The following SLC25A22 variants were observed in gnomAD, a reference collection of about 807,000 sequenced individuals.
SLC25A22 encodes mitochondrial glutamate carrier 1.
A neutral mutation model predicts 33.7 loss-of-function variants in SLC25A22; 23 were observed. The observed-to-expected ratio is 0.68, with a 90% CI of 0.49 to 0.97. The LOEUF is 0.97. Ranked by LOEUF, SLC25A22 falls within the 50% of genes least tolerant of loss-of-function variation. The pLI, the probability that SLC25A22 is intolerant of heterozygous loss-of-function variation, is 0.00. For synonymous variants in SLC25A22, 245 were observed against 203.8 expected, an observed-to-expected ratio of 1.20 and a Z score of -1.72; for missense variants, 390 against 451.1, an observed-to-expected ratio of 0.86 and a Z score of 1.23.
At chr11:793,790 C>A (rs1019657042) in intron 4 of SLC25A22, 171 bp from the exon 5 acceptor site, 1 of 635,352 alleles carries the variant, frequency 1.6e-6, no homozygotes, top group Admixed American at 2.3e-5. Flanking sequence ...CGGGGCCAGG[C>A]AGGGATGGGG....
intron 1 of SLC25A22, chr11:797,927 G>A (rs951247175): frequency 5.0e-6 from 2 of 398,450 alleles, no homozygotes; most frequent in Admixed American, 4.4e-5. Flanking sequence ...CCACGTGTGC[G>A]TCCCACACGG....
At chr11:794,732 G>GC (rs757208797) in intron 3 of SLC25A22, 44 bp downstream of exon 3, 36 of 1,585,224 alleles carry the variant, frequency 2.3e-5, no homozygotes, top group Non-Finnish European at 3.0e-5. Flanking sequence ...CTCTCCTGCT[G>GC]CCACATGCTG....
At chr11:793,412 C>T (rs1186106987) in intron 5 of SLC25A22, 117 bp downstream of exon 5, 8 of 980,886 alleles carry the variant, frequency 8.2e-6, no homozygotes, top group African/African-American at 1.6e-5. Context: ...TCAAAGAAGC[C>T]CCAAGCAAGG....
chr11:796,541 G>A (rs1031588258), intron 1 of SLC25A22, among the ~76,000 whole-genome samples: 1 of 152,172 alleles, frequency 6.6e-6, no homozygotes, highest in East Asian at 1.9e-4. Flanking sequence ...TCTGTCTAGG[G>A]CTGGTACTCT....
At chr11:795,434 T>C (rs1232081964) in intron 1 of SLC25A22, 5 of 316,284 alleles carry the variant, frequency 1.6e-5, no homozygotes, top group Non-Finnish European at 3.1e-5. Context: ...GGGGCTCACG[T>C]GCACCCCAGC....
chr11:794,070 G>C (rs1345544720), intron 4 of SLC25A22: 2 of 510,138 alleles, frequency 3.9e-6, no homozygotes, highest in Non-Finnish European at 7.4e-6. Context: ...GGGCTGGAGA[G>C]CTTCTGCCAA....
chr11:792,670 T>C lies in SLC25A22; in HGVS notation c.470A>G (p.Gln157Arg). The change falls in exon 7 of 10, where the codon CAG becomes CGG. Residue 157 changes from glutamine (Q) to arginine (R), a missense_variant. Gln to Arg is a conservative substitution (Grantham distance 43, BLOSUM62 1). Transcript: ENST00000628067. Reference sequence around the variant, plus strand: ...GGCAGCTGGAGCCTCCACTGAGGGCTGGGCACCCCCCTGGGCCGAGAGCTG... The same window carrying C: ...GGCAGCTGGAGCCTCCACTGAGGGCCGGGCACCCCCCTGGGCCGAGAGCTG... ...QGQLSAQGGA[Q>R]PSVEAPAAPR... is the part of the protein sequence containing the mutation. 1 of 1,566,510 alleles carries C rather than the reference T, an allele frequency of 6.4e-7. No homozygotes were observed. Among genetic ancestry groups the C allele is most frequent in the Non-Finnish European group, 8.6e-7 (1 of 1,158,566 alleles).
At chr11:798,033 G>C in intron 1 of SLC25A22, 184 bp downstream of exon 1, 2 of 398,416 alleles carry the variant, frequency 5.0e-6, no homozygotes, top group Admixed American at 4.4e-5. Flanking sequence ...GCCGAGCACG[G>C]CGTCTCACGC....
At position 794,340 on chromosome 11, in the gene SLC25A22, C is replaced by T. The variant is rs977155482; in HGVS notation, c.202+118G>A. ...GGCACAGCCCCCACAAACACGTCCACGCTCACACACCAGGCCCAGGCTGGC... is the reference window on the plus strand; with the variant it reads ...GGCACAGCCCCCACAAACACGTCCATGCTCACACACCAGGCCCAGGCTGGC... On this transcript the variant is annotated intron_variant, in intron 4 of 9. Coordinates refer to ENST00000628067, the MANE Select transcript of SLC25A22 (RefSeq NM_001191061.2). 16 of 1,174,042 alleles carry T rather than the reference C, an allele frequency of 1.4e-5. No individual in the cohort carries two copies. The Admixed American group carries it at 1.4e-4, about 10-fold the overall frequency. 72.7% of individuals were successfully genotyped at this position (1,174,042 alleles called of 1,614,324 possible). A position where few individuals can be genotyped will look rare whatever the true frequency, so the allele number is the denominator to read the frequency against.
In SLC25A22 at chr11:791,775, ACCCTGCACCCTGCC is replaced by A. The variant is rs1864530069; in HGVS notation, c.*126_*139del. ...GCTTGCGTGTGCACCACCTATGTGGACCCTGCACCCTGCCCCCTGCTGCCCCTGCCGACGGGAGG... is the reference window on the plus strand; with the variant it reads ...GCTTGCGTGTGCACCACCTATGTGGACCCTGCTGCCCCTGCCGACGGGAGG... On this transcript the variant is annotated 3_prime_UTR_variant, in exon 10 of 10. Coordinates refer to ENST00000628067, the MANE Select transcript of SLC25A22 (RefSeq NM_001191061.2). 1 of 1,200,834 alleles carries A rather than the reference ACCCTGCACCCTGCC, an allele frequency of 8.3e-7. No homozygotes were observed. The highest frequency in any genetic ancestry group is 1.5e-5 in the African/African-American group (1 of 65,494). The allele number at this position is 1,200,834 out of a possible 1,614,324, so 74.4% of individuals were successfully genotyped here. A position where few individuals can be genotyped will look rare whatever the true frequency, so the allele number is the denominator to read the frequency against.
Position 792,004 on chromosome 11 carries a change from T to C in SLC25A22, c.883A>G (p.Ile295Val), listed in dbSNP as rs1554965292. Reference protein sequence around the residue: ...LKGAYCRALVIAPLFGIAQVV... With the variant: ...LKGAYCRALVVAPLFGIAQVV... ...TGTGCGATGCCGAAAAGGGGCGCGA[T>C]GACCAGCGCGCGGCAGTAGGCGCCC... Residue 295 changes from isoleucine (I) to valine (V), a missense_variant, in exon 10 of 10, where the codon ATC becomes GTC. Physicochemically the swap from Ile to Val is conservative, Grantham distance 29. Transcript: ENST00000628067. The C allele has an allele frequency of 8.7e-6, 14 of 1,608,740 alleles. No individual in the cohort carries two copies. The highest frequency in any genetic ancestry group is 1.2e-5 in the Non-Finnish European group (14 of 1,178,384).
rs1030248903 is a variant in SLC25A22 at position 791,671 on chromosome 11, G to T, written c.*244C>A. The T allele has an allele frequency of 1.7e-6, 1 of 582,946 alleles. No homozygotes were observed. The highest frequency in any genetic ancestry group is 3.1e-5 in the Admixed American group (1 of 32,470). The allele number at this position is 582,946 out of a possible 1,614,324, so 36.1% of individuals were successfully genotyped here. On this transcript the variant is annotated 3_prime_UTR_variant, in exon 10 of 10. Coordinates refer to ENST00000628067, the MANE Select transcript of SLC25A22 (RefSeq NM_001191061.2). ...CAGGGCAGGATTGGGGCAGGGGCTA[G>T]CTTGAGGAATGTAAAGATTTCTGCA...
At chr11:792,281 C>A (rs764198838) in intron 8 of SLC25A22, 23 bp downstream of exon 8, 1 of 1,613,098 alleles carries the variant, frequency 6.2e-7, no homozygotes, top group Non-Finnish European at 8.5e-7. Flanking sequence ...CATCCCCAGC[C>A]GGGCGCCATC....
At position 791,350 on chromosome 11, in the gene SLC25A22, C is replaced by T. The variant is rs183389177; in HGVS notation, c.*565G>A. ...AGTCAGACCTCAGGGCAACCCCTCA[C>T]TTGGGATTCCTGGCTCAACAGAGAG... On this transcript the variant is annotated 3_prime_UTR_variant, in exon 10 of 10. Coordinates refer to ENST00000628067, the MANE Select transcript of SLC25A22 (RefSeq NM_001191061.2). 4.4e-3 allele frequency: 741 copies of T among 169,262 alleles called. 4 individuals are homozygous for T. The highest frequency in any genetic ancestry group is 0.017 in the African/African-American group (698 of 41,698). The allele number at this position is 169,262 out of a possible 1,614,324, so 10.5% of individuals were successfully genotyped here. A position where few individuals can be genotyped will look rare whatever the true frequency, so the allele number is the denominator to read the frequency against.
In SLC25A22 at chr11:791,745, G is replaced by A. The variant is rs927581482; in HGVS notation, c.*170C>T. 1.6e-4 allele frequency: 133 copies of A among 852,702 alleles called. No individual in the cohort carries two copies. The Middle Eastern group carries it at 1.8e-3, about 12-fold the overall frequency. 52.8% of individuals were successfully genotyped at this position (852,702 alleles called of 1,614,324 possible). A position where few individuals can be genotyped will look rare whatever the true frequency, so the allele number is the denominator to read the frequency against. On this transcript the variant is annotated 3_prime_UTR_variant, in exon 10 of 10. Coordinates refer to ENST00000628067, the MANE Select transcript of SLC25A22 (RefSeq NM_001191061.2). The stretch of plus-strand genomic sequence containing the variant: ...ATCCCAACGGTGCAGGCAGCACCCC[G>A]GGGGGCTTGCGTGTGCACCACCTAT...
intron 6 of SLC25A22, 46 bp downstream of exon 6, chr11:792,824 C>G: frequency 6.3e-7 from 1 of 1,577,784 alleles, no homozygotes; most frequent in Non-Finnish European, 8.6e-7. Flanking sequence ...TCGCCCTCAC[C>G]TCTTCCCGCA....
At chr11:797,764 A>G (rs1195031902) in intron 1 of SLC25A22, 14 of 398,482 alleles carry the variant, frequency 3.5e-5, no homozygotes, top group Admixed American at 1.8e-4. Context: ...CCTCGGCCAG[A>G]GGACAAAGGA....
At chr11:796,955 G>A (rs980865427) in intron 1 of SLC25A22, among the ~76,000 whole-genome samples, 8 of 149,390 alleles carry the variant, frequency 5.4e-5, no homozygotes, top group South Asian at 2.2e-4. Flanking sequence ...CACCCCTGCC[G>A]CCCCACTCTT....
rs564847865 is a variant in SLC25A22 at position 793,894 on chromosome 11, C to T, written c.203-275G>A. On this transcript the variant is annotated intron_variant, in intron 4 of 9. Transcript: ENST00000628067. ...TTGCTGCTCAGGGCATGAGGACTGCCCCGGAGCCCCTGAGGCCTCCCTAGG... is the reference window on the plus strand; with the variant it reads ...TTGCTGCTCAGGGCATGAGGACTGCTCCGGAGCCCCTGAGGCCTCCCTAGG... 76 of 542,918 alleles carry T rather than the reference C, an allele frequency of 1.4e-4. 1 individual carries two copies. The South Asian group carries it at 1.4e-3, about 10-fold the overall frequency. 33.6% of individuals were successfully genotyped at this position (542,918 alleles called of 1,614,324 possible).
Sources: gnomAD v4.1 joint callset for allele counts (sites outside exome capture counted in the v4.1 genomes callset) on GRCh38, gnomAD v4.1.1 for gene constraint, MANE v1.5 for transcripts, NCBI Gene and HGNC (gene_info 2026-07-23, HGNC 2026-07-21) for gene names.